The following RTL4 variants were observed in gnomAD, a reference collection of about 807,000 sequenced individuals.
RTL4 encodes the protein retrotransposon Gag-like protein 4.
Under a neutral mutation model 5.3 loss-of-function variants are expected in RTL4, and 4 were observed. The ratio of observed to expected loss-of-function variants is 0.75; its 90% CI spans 0.37 to 1.72. The LOEUF (loss-of-function observed/expected upper bound fraction) is 1.72. Among genes scored for constraint, RTL4 ranks in the 40% most tolerant of loss-of-function variants. RTL4 has a pLI of 0.04. For synonymous variants in RTL4, 98 were observed against 87.3 expected (o/e 1.12, Z -0.68); for missense variants, 260 against 227.1 (o/e 1.14, Z -0.93).
At chrX:112,259,464 C>T in the RTL4 span, among the ~76,000 whole-genome samples, 7 of 110,323 alleles carry the variant, frequency 6.3e-5, no homozygotes, top group Admixed American at 3.9e-4. Context: ...GGAGATACTA[C>T]GAGGATTGAA....
the RTL4 span, among the ~76,000 whole-genome samples, chrX:112,099,513 T>G: frequency 9.0e-6 from 1 of 111,017 alleles, no homozygotes. Context: ...TGCAAAACTA[T>G]GAAGCCATAA....
chrX:112,092,334 G>T, the RTL4 span, among the ~76,000 whole-genome samples: 1 of 111,345 alleles, frequency 9.0e-6, no homozygotes, highest in African/African-American at 3.3e-5. Context: ...TTTCTCTTCT[G>T]CTTTGGGATT....
the RTL4 span, among the ~76,000 whole-genome samples, chrX:112,204,896 C>A: frequency 9.0e-6 from 1 of 111,202 alleles, no homozygotes. Context: ...ACATCGCATG[C>A]CTGGATTGAA....
the RTL4 span, among the ~76,000 whole-genome samples, chrX:112,122,510 C>T: frequency 9.1e-6 from 1 of 109,982 alleles, no homozygotes; most frequent in Admixed American, 9.7e-5. Flanking sequence ...ATAAATAAGA[C>T]CTAGTATTTG....
chrX:112,336,396 TA>T, the RTL4 span, among the ~76,000 whole-genome samples: 215 of 112,061 alleles, frequency 1.9e-3, no homozygotes, highest in African/African-American at 6.6e-3. Context: ...TTGTGCATAC[TA>T]GTTTGTGCTT....
At chrX:112,381,347 C>T in the RTL4 span, 1 of 1,208,978 alleles carries the variant, frequency 8.3e-7, no homozygotes, top group Non-Finnish European at 1.1e-6. Flanking sequence ...GCCAGAGAAG[C>T]TAACAAAGGT....
At chrX:112,161,843 T>TG in the RTL4 span, among the ~76,000 whole-genome samples, 1 of 43,503 alleles carries the variant, frequency 2.3e-5, no homozygotes, top group African/African-American at 7.1e-5. Context: ...CTTCCTTCCT[T>TG]CCTTTCTTTC....
At chrX:112,251,203 A>G in the RTL4 span, among the ~76,000 whole-genome samples, 2 of 112,320 alleles carry the variant, frequency 1.8e-5, no homozygotes, top group South Asian at 7.3e-4. Context: ...AATTCTGTCA[A>G]TTTTTACCTA....
At chrX:112,118,370 A>G in the RTL4 span, among the ~76,000 whole-genome samples, 2 of 112,443 alleles carry the variant, frequency 1.8e-5, no homozygotes. Flanking sequence ...GTTTCTCTCC[A>G]GCTATTGGCC....
the RTL4 span, among the ~76,000 whole-genome samples, chrX:112,419,575 G>GTGTATATATATATATATATATATATATA: frequency 2.2e-4 from 10 of 46,240 alleles, no homozygotes; most frequent in Non-Finnish European, 2.5e-4. Flanking sequence ...GGCCAAGGTA[G>GTGTATATATATATATATATATATATATA]TATATATATA....
chrX:112,422,033 T>A, the RTL4 span, among the ~76,000 whole-genome samples: 5 of 112,033 alleles, frequency 4.5e-5, no homozygotes, highest in African/African-American at 1.6e-4. Context: ...AGAATCAATT[T>A]TGTCCAATTT....
chrX:112,195,836 T>C, the RTL4 span, among the ~76,000 whole-genome samples: 1 of 111,659 alleles, frequency 9.0e-6, no homozygotes, highest in Admixed American at 9.6e-5. Context: ...AATAAATACT[T>C]ACAATGATAA....
the RTL4 span, among the ~76,000 whole-genome samples, chrX:112,292,010 T>C: frequency 9.0e-6 from 1 of 111,354 alleles, no homozygotes; most frequent in Non-Finnish European, 1.9e-5. Flanking sequence ...TGCAGCAGGG[T>C]GATTTCTGGA....
the RTL4 span, among the ~76,000 whole-genome samples, chrX:112,413,410 A>G: frequency 1.8e-5 from 2 of 111,898 alleles, no homozygotes; most frequent in African/African-American, 6.5e-5. Flanking sequence ...TCCAATGTTT[A>G]TTGCTGCACT....
At chrX:112,294,104 C>T in the RTL4 span, among the ~76,000 whole-genome samples, 4 of 111,572 alleles carry the variant, frequency 3.6e-5, no homozygotes, top group African/African-American at 1.3e-4. Context: ...ATTCTCTTCC[C>T]CAAAGAAACA....
At chrX:112,274,554 G>A in the RTL4 span, among the ~76,000 whole-genome samples, 7 of 111,797 alleles carry the variant, frequency 6.3e-5, no homozygotes, top group African/African-American at 2.3e-4. Flanking sequence ...ACGAAAGCAA[G>A]AATCAAACAG....
the RTL4 span, among the ~76,000 whole-genome samples, chrX:112,303,524 G>A: frequency 2.1e-4 from 20 of 95,590 alleles, no homozygotes; most frequent in African/African-American, 6.0e-4. Flanking sequence ...ACCAAACACC[G>A]CATGTTCTCA....
the RTL4 span, among the ~76,000 whole-genome samples, chrX:112,395,227 GA>G: frequency 1.8e-5 from 2 of 111,326 alleles, no homozygotes; most frequent in East Asian, 5.6e-4. Context: ...AGCATGCTAT[GA>G]AAAATAGGGT....
chrX:112,289,618 G>T, the RTL4 span, among the ~76,000 whole-genome samples: 7 of 111,614 alleles, frequency 6.3e-5, no homozygotes, highest in Non-Finnish European at 9.4e-5. Flanking sequence ...AGAACCTTAT[G>T]TCACCTGGTT....
Sources: gnomAD v4.1 joint callset for allele counts (sites outside exome capture counted in the v4.1 genomes callset) on GRCh38, gnomAD v4.1.1 for gene constraint, MANE v1.5 for transcripts, NCBI Gene and HGNC (gene_info 2026-07-23, HGNC 2026-07-21) for gene names.